KDM5A: variants seen among roughly 807,000 people sequenced by gnomAD.
KDM5A encodes lysine demethylase 5A.
A neutral mutation model predicts 193.5 loss-of-function variants in KDM5A; 42 were observed. The observed-to-expected ratio is 0.22, with a 90% confidence interval of 0.17 to 0.28. KDM5A has a LOEUF of 0.28. Among genes scored for constraint, KDM5A ranks in the 10% least tolerant of loss-of-function variants. KDM5A has a pLI of 1.00. For synonymous variants in KDM5A, 796 were observed against 718.1 expected, an observed-to-expected ratio of 1.11 and a Z score of -1.73; for missense variants, 1,692 against 2,055.1, an observed-to-expected ratio of 0.82 and a Z score of 3.42.
intron 10 of KDM5A, among the ~76,000 whole-genome samples, 157 bp from the exon 11 acceptor site, chr12:334,579 T>A (rs146200050): frequency 2.6e-5 from 4 of 152,240 alleles, no homozygotes; most frequent in Admixed American, 2.0e-4. Context: ...GTAACTCATA[T>A]AACTAAACAT....
In KDM5A at chr12:388,930, G is replaced by A. The variant is rs544066442; in HGVS notation, c.162C>T (p.Pro54=). Reference sequence around the variant, plus strand: ...CTCTCTTCACAGACTGAGGTACCTTGGGCGGCCGAATTTTGCAGATGCCGG... The same window carrying A: ...CTCTCTTCACAGACTGAGGTACCTTAGGCGGCCGAATTTTGCAGATGCCGG... The part of the protein sequence containing the change: ...EKTGICKIRP[P]KDWQPPFACE... The change falls in exon 1 of 28, where the codon CCC becomes CCT. Residue 54 remains proline (P), a synonymous_variant. Coordinates refer to ENST00000399788, the MANE Select transcript of KDM5A (RefSeq NM_001042603.3). 6.2e-7 allele frequency: 1 copy of A among 1,614,210 alleles called. No individual in the cohort carries two copies. The highest frequency in any genetic ancestry group is 1.1e-5 in the South Asian group (1 of 91,086).
chr12:292,155 C>A (rs1360784193), intron 27 of KDM5A, among the ~76,000 whole-genome samples: 1 of 152,172 alleles, frequency 6.6e-6, no homozygotes, highest in Non-Finnish European at 1.5e-5. Context: ...CCGCCCACCT[C>A]GGCCTCCCAA....
intron 10 of KDM5A, among the ~76,000 whole-genome samples, chr12:349,659 A>C (rs1015003891): frequency 4.6e-5 from 7 of 151,524 alleles, no homozygotes; most frequent in Admixed American, 3.9e-4. Flanking sequence ...CTAGGCAAAA[A>C]TATTAAACTG....
intron 13 of KDM5A, among the ~76,000 whole-genome samples, chr12:330,632 A>G (rs145840228): frequency 1.7e-3 from 259 of 152,344 alleles, no homozygotes; most frequent in African/African-American, 6.1e-3. Context: ...TTGAATGTTT[A>G]GAAACAGAGC....
chr12:303,756 A>G (rs1390200465), intron 24 of KDM5A, among the ~76,000 whole-genome samples: 1 of 150,126 alleles, frequency 6.7e-6, no homozygotes, highest in Non-Finnish European at 1.5e-5. Context: ...TAGATGTGAC[A>G]GCCTAAGGAC....
At chr12:364,805 C>A (rs11835325) in intron 4 of KDM5A, among the ~76,000 whole-genome samples, 103,045 of 146,254 alleles carry the variant, frequency 0.7, 36,434 homozygotes, top group Middle Eastern at 0.78. Context: ...AACAAACAAA[C>A]AAATTTACAC....
In KDM5A at chr12:317,587, A is replaced by G. The variant is rs545829035; in HGVS notation, c.2897+519T>C. Among the ~76,000 whole-genome samples, 9 of 152,380 alleles carry G rather than the reference A, an allele frequency of 5.9e-5. No homozygotes were observed. In the South Asian group the frequency reaches 1.9e-3, roughly 32 times the overall value. Reference sequence around the variant, plus strand: ...AGTTTGCACATATTTGAAACGGTCTACATGTAGCCCCATTTGATAACTTAG... The same window carrying G: ...AGTTTGCACATATTTGAAACGGTCTGCATGTAGCCCCATTTGATAACTTAG... On this transcript the variant is annotated intron_variant, in intron 19 of 27. Coordinates refer to ENST00000399788, the MANE Select transcript of KDM5A (RefSeq NM_001042603.3).
chr12:343,481 G>C (rs1460895629), intron 10 of KDM5A, among the ~76,000 whole-genome samples: 1 of 152,152 alleles, frequency 6.6e-6, no homozygotes, highest in African/African-American at 2.4e-5. Flanking sequence ...CCCTCATGTA[G>C]CCTAACTGGG....
intron 24 of KDM5A, among the ~76,000 whole-genome samples, chr12:301,706 G>A (rs1390435623): frequency 4.6e-5 from 7 of 152,134 alleles, no homozygotes; most frequent in Non-Finnish European, 8.8e-5. Context: ...AAGAAATAAA[G>A]GGTATTCAAA....
chr12:320,468 C>A (rs1943703948), intron 18 of KDM5A, among the ~76,000 whole-genome samples: 1 of 152,150 alleles, frequency 6.6e-6, no homozygotes, highest in African/African-American at 2.4e-5. Flanking sequence ...TGCACTCCAG[C>A]CTGGGCGACA....
intron 20 of KDM5A, 87 bp downstream of exon 20, chr12:312,969 T>C: frequency 1.4e-6 from 2 of 1,385,876 alleles, no homozygotes; most frequent in East Asian, 4.7e-5. Context: ...ATTATGATTA[T>C]TCTATTCTAA....
At chr12:321,190 T>A in intron 17 of KDM5A, 81 bp from the exon 18 acceptor site, 1 of 976,890 alleles carries the variant, frequency 1.0e-6, no homozygotes, top group Middle Eastern at 2.2e-4. Context: ...CTCTTCAGAA[T>A]TCAAACCTAA....
At chr12:292,716 C>G (rs369033204) in intron 27 of KDM5A, 43 bp downstream of exon 27, 10 of 1,613,518 alleles carry the variant, frequency 6.2e-6, no homozygotes, top group Non-Finnish European at 7.6e-6. Context: ...ACAACTGTTG[C>G]TCCTTGACCT....
intron 3 of KDM5A, among the ~76,000 whole-genome samples, chr12:376,474 C>T: frequency 6.6e-6 from 1 of 152,242 alleles, no homozygotes; most frequent in East Asian, 1.9e-4. Flanking sequence ...CAGGTGCCAT[C>T]TGTCACAGCT....
intron 3 of KDM5A, among the ~76,000 whole-genome samples, chr12:368,840 G>A (rs137918396): frequency 1.4e-3 from 215 of 152,232 alleles, no homozygotes; most frequent in African/African-American, 4.7e-3. Context: ...CCTACACCTC[G>A]TTATGAGGCT....
At chr12:314,029 T>C (rs1337959988) in intron 19 of KDM5A, among the ~76,000 whole-genome samples, 1 of 152,032 alleles carries the variant, frequency 6.6e-6, no homozygotes, top group African/African-American at 2.4e-5. Context: ...AAAAGGAATC[T>C]GGCAGGAAGA....
intron 5 of KDM5A, among the ~76,000 whole-genome samples, chr12:358,130 T>C (rs1431807687): frequency 1.3e-5 from 2 of 152,066 alleles, no homozygotes; most frequent in Non-Finnish European, 2.9e-5. Flanking sequence ...TTCTAATACT[T>C]GAAAGTGAGA....
chr12:284,274 A>G lies in KDM5A; in HGVS notation c.*1182T>C, dbSNP rs1943190938. On this transcript the variant is annotated 3_prime_UTR_variant, in exon 28 of 28. Coordinates refer to ENST00000399788, the MANE Select transcript of KDM5A (RefSeq NM_001042603.3). Reference sequence around the variant, plus strand: ...TTAAAAAAGGAAAAATAATCTATGTATAGAACAGTCAGTAGTCAGAGACAT... The same window carrying G: ...TTAAAAAAGGAAAAATAATCTATGTGTAGAACAGTCAGTAGTCAGAGACAT... 8.8e-6 allele frequency: 2 copies of G among 228,270 alleles called. No homozygotes were observed. The highest frequency in any genetic ancestry group is 1.7e-5 in the Non-Finnish European group (2 of 115,188). The allele number at this position is 228,270 out of a possible 1,614,324, so 14.1% of individuals were successfully genotyped here.
At chr12:351,781 C>T (rs4980887) in intron 9 of KDM5A, among the ~76,000 whole-genome samples, 10,693 of 151,896 alleles carry the variant, frequency 0.07, 841 homozygotes, top group East Asian at 0.35. Context: ...CCAGCCTGGG[C>T]GACAGAGTGA....
Sources: allele counts gnomAD v4.1 joint callset (sites outside exome capture counted in the v4.1 genomes callset), GRCh38; gene constraint gnomAD v4.1.1; transcripts MANE v1.5; gene names NCBI Gene and HGNC (gene_info 2026-07-23, HGNC 2026-07-21).